Variants in ADAMTSL1 observed in about 807,000 individuals in gnomAD.
ADAMTSL1 encodes the protein ADAMTS-like protein 1.
In ADAMTSL1, 126 loss-of-function variants were observed where a neutral mutation model predicts 201.8. The ratio of observed to expected loss-of-function variants is 0.62; its 90% confidence interval spans 0.54 to 0.72. The LOEUF (loss-of-function observed/expected upper bound fraction) is 0.72. Among genes scored for constraint, ADAMTSL1 ranks in the 30% least tolerant of loss-of-function variants. The probability of loss-of-function intolerance (pLI) is 0.00; values close to 1 mark genes in which losing one functional copy is unlikely to be tolerated. For synonymous variants in ADAMTSL1, 1,121 were observed against 903.4 expected, an observed-to-expected ratio of 1.24 and a Z score of -4.32; for missense variants, 2,679 against 2,277.8, an observed-to-expected ratio of 1.18 and a Z score of -3.59.
Position 18,305,186 on chromosome 9 carries a change from C to G in ADAMTSL1, c.207+141205C>G, listed in dbSNP as rs187800680. 3.8e-3 allele frequency among the ~76,000 whole-genome samples: 586 copies of G among 152,324 alleles called. 3 individuals are homozygous for G. The highest frequency in any genetic ancestry group is 0.013 in the African/African-American group (560 of 41,570). ...ACTGCACTCTGGCCCAGATACTATG[C>G]TTTTCCCATGGTCTTCACAACCTAC... On this transcript the variant is annotated intron_variant, in intron 2 of 29. Transcript: ENST00000680146.
chr9:18,793,647 A>C (rs1453542757), intron 19 of ADAMTSL1, among the ~76,000 whole-genome samples: 1 of 152,214 alleles, frequency 6.6e-6, no homozygotes, highest in Admixed American at 6.5e-5. Context: ...GGAGGTTAAA[A>C]AATCACAAAG....
intron 1 of ADAMTSL1, among the ~76,000 whole-genome samples, chr9:17,992,468 T>C (rs780050840): frequency 6.6e-6 from 1 of 152,212 alleles, no homozygotes; most frequent in Non-Finnish European, 1.5e-5. Flanking sequence ...TTGTTTCTTT[T>C]CAGATGAATG....
chr9:18,578,946 T>C (rs1033331298), intron 4 of ADAMTSL1, among the ~76,000 whole-genome samples: 2 of 151,424 alleles, frequency 1.3e-5, no homozygotes, highest in Non-Finnish European at 2.9e-5. Flanking sequence ...TGATATCTCA[T>C]AGTGGTTTTG....
chr9:18,830,065 C>A, intron 23 of ADAMTSL1, 88 bp downstream of exon 23: 2 of 1,500,728 alleles, frequency 1.3e-6, no homozygotes, highest in South Asian at 1.3e-5. Flanking sequence ...GGGAAGGAGG[C>A]AGCAGTCGGG....
chr9:18,038,421 C>T (rs1821295157), intron 1 of ADAMTSL1, among the ~76,000 whole-genome samples: 1 of 152,160 alleles, frequency 6.6e-6, no homozygotes, highest in African/African-American at 2.4e-5. Context: ...CCCTAACCTC[C>T]TTGAAAGATC....
Position 18,199,858 on chromosome 9 carries a change from T to G in ADAMTSL1, c.207+35877T>G, listed in dbSNP as rs1357828049. On this transcript the variant is annotated intron_variant, in intron 2 of 29. Coordinates refer to the ADAMTSL1 transcript ENST00000680146. ...TTGTTATAAATTCTTTGAAAATAAA[T>G]TTCACAATACAAATGGTTCATAAAC... is the stretch of plus-strand genomic sequence containing the variant. Among the ~76,000 whole-genome samples, 8 of 151,814 alleles carry G rather than the reference T, an allele frequency of 5.3e-5. No individual in the cohort carries two copies. In the East Asian group the frequency reaches 1.6e-3, roughly 29 times the overall value.
intron 2 of ADAMTSL1, among the ~76,000 whole-genome samples, chr9:18,437,322 T>C (rs986545510): frequency 2.0e-5 from 3 of 152,140 alleles, no homozygotes; most frequent in Non-Finnish European, 1.5e-5. Flanking sequence ...CATTCATATA[T>C]CTTGTATTCA....
chr9:17,947,347 C>CG, intron 1 of ADAMTSL1, among the ~76,000 whole-genome samples: 2 of 113,112 alleles, frequency 1.8e-5, no homozygotes, highest in South Asian at 6.2e-4. Flanking sequence ...ACACACACAC[C>CG]CCACTATGCA....
intron 23 of ADAMTSL1, among the ~76,000 whole-genome samples, chr9:18,861,248 T>C (rs1827197482): frequency 1.3e-5 from 2 of 152,206 alleles, no homozygotes; most frequent in Admixed American, 1.3e-4. Flanking sequence ...GTGAGTGCTA[T>C]GGAAAATAGG....
At chr9:18,487,653 G>A (rs571851364) in intron 1 of ADAMTSL1, among the ~76,000 whole-genome samples, 84 of 152,192 alleles carry the variant, frequency 5.5e-4, no homozygotes, top group African/African-American at 1.9e-3. Context: ...CCATTTTACC[G>A]GTAAGAAAAC....
rs149348513 is a variant in ADAMTSL1, at chr9:18,559,584, T to C, written c.238-14446T>C. 1.4e-3 allele frequency among the ~76,000 whole-genome samples: 220 copies of C among 152,368 alleles called. 1 individual carries two copies. Among genetic ancestry groups the C allele is most frequent in the African/African-American group, 5.2e-3 (216 of 41,590 alleles). On this transcript the variant is annotated intron_variant, in intron 3 of 28. Transcript: ENST00000380548. ...CTTGATGGCGATAGCATTGAATCTA[T>C]AAATAACTTTGGGCATGATGGCCAT...
intron 1 of ADAMTSL1, among the ~76,000 whole-genome samples, chr9:18,500,019 T>C (rs1336018736): frequency 6.6e-6 from 1 of 152,224 alleles, no homozygotes; most frequent in Non-Finnish European, 1.5e-5. Context: ...TGCTTCATCT[T>C]ACATCTTTCA....
chr9:18,657,599 C>A, intron 7 of ADAMTSL1, 40 bp from the exon 8 acceptor site: 1 of 1,486,136 alleles, frequency 6.7e-7, no homozygotes, highest in Non-Finnish European at 9.4e-7. Context: ...GAAAGCACCG[C>A]ACTGTCACAT....
chr9:18,374,741 C>T (rs1837207743), intron 2 of ADAMTSL1, among the ~76,000 whole-genome samples: 1 of 152,230 alleles, frequency 6.6e-6, no homozygotes, highest in South Asian at 2.1e-4. Flanking sequence ...TCAGCCTCAC[C>T]TGTCTACATG....
chr9:18,740,669 G>T (rs886855257), intron 15 of ADAMTSL1, among the ~76,000 whole-genome samples: 1 of 151,710 alleles, frequency 6.6e-6, no homozygotes, highest in Non-Finnish European at 1.5e-5. Flanking sequence ...TAGAGACAGG[G>T]TTTCACCATG....
At chr9:18,450,934 T>C (rs983784091) in intron 2 of ADAMTSL1, among the ~76,000 whole-genome samples, 4 of 152,200 alleles carry the variant, frequency 2.6e-5, no homozygotes, top group Non-Finnish European at 5.9e-5. Flanking sequence ...AGACAAGAAC[T>C]GTAGTCTGGG....
intron 1 of ADAMTSL1, among the ~76,000 whole-genome samples, chr9:18,073,917 T>G (rs1451071691): frequency 6.6e-6 from 1 of 152,128 alleles, no homozygotes; most frequent in Non-Finnish European, 1.5e-5. Context: ...TTAGGCTAAT[T>G]TGCTAAAGGT....
At chr9:18,168,297 C>T (rs1282117096) in intron 2 of ADAMTSL1, among the ~76,000 whole-genome samples, 1 of 152,018 alleles carries the variant, frequency 6.6e-6, no homozygotes, top group Non-Finnish European at 1.5e-5. Flanking sequence ...CACAAGGGTC[C>T]CTGGTGTGTG....
At chr9:18,614,029 AGT>A (rs1825552117) in intron 4 of ADAMTSL1, among the ~76,000 whole-genome samples, 1 of 152,200 alleles carries the variant, frequency 6.6e-6, no homozygotes, top group South Asian at 2.1e-4. Flanking sequence ...CCTGAGAAAG[AGT>A]GTTACAGCCA....
Sources: gnomAD v4.1 joint callset for allele counts (sites outside exome capture counted in the v4.1 genomes callset) on GRCh38, gnomAD v4.1.1 for gene constraint, MANE v1.5 for transcripts, NCBI Gene and HGNC (gene_info 2026-07-23, HGNC 2026-07-21) for gene names.